ARHGEF28: variants seen among roughly 807,000 people sequenced by gnomAD.
ARHGEF28 encodes the protein Rho guanine nucleotide exchange factor 28.
ARHGEF28 carries 152 observed loss-of-function variants against 206.6 expected under a neutral mutation model. The ratio of observed to expected loss-of-function variants is 0.74; its 90% CI spans 0.64 to 0.84. The LOEUF is 0.84. Ranked by LOEUF, ARHGEF28 falls within the 40% of genes least tolerant of loss-of-function variation. The pLI is 0.00. For missense variants in ARHGEF28, 2,028 were observed against 2,073.2 expected (o/e 0.98, Z 0.42); for synonymous variants, 763 against 776.4 (o/e 0.98, Z 0.29).
At chr5:73,878,853 T>C (rs1046914063) in intron 22 of ARHGEF28, among the ~76,000 whole-genome samples, 1 of 151,834 alleles carries the variant, frequency 6.6e-6, no homozygotes, top group Non-Finnish European at 1.5e-5. Flanking sequence ...TGGCTGCCCT[T>C]AACATTTTTT....
chr5:73,647,487 C>T (rs1408568530), intron 1 of ARHGEF28, among the ~76,000 whole-genome samples: 2 of 152,200 alleles, frequency 1.3e-5, no homozygotes, highest in Non-Finnish European at 2.9e-5. Flanking sequence ...TTTAGCTTAG[C>T]GCTGTCCAAT....
chr5:73,758,413 C>T (rs188796974), intron 4 of ARHGEF28, among the ~76,000 whole-genome samples: 1 of 152,298 alleles, frequency 6.6e-6, no homozygotes, highest in Non-Finnish European at 1.5e-5. Context: ...CAAAAACGAA[C>T]TTGGACTCTT....
Position 73,880,672 on chromosome 5 carries a change from C to T in ARHGEF28, c.2815-1800C>T, listed in dbSNP as rs139201232. Among the ~76,000 whole-genome samples, 255 of 152,296 alleles carry T rather than the reference C, an allele frequency of 1.7e-3. 1 individual carries two copies. Among genetic ancestry groups the T allele is most frequent in the African/African-American group, 5.8e-3 (240 of 41,576 alleles). On this transcript the variant is annotated intron_variant, in intron 22 of 35. Coordinates refer to ENST00000513042, the MANE Select transcript of ARHGEF28 (RefSeq NM_001177693.2). The stretch of plus-strand genomic sequence containing the variant: ...TTTTTGCTGGGCATGGTGGCTCACG[C>T]CTGTAAGCCCAGCACTTTGGGAGGC...
intron 2 of ARHGEF28, among the ~76,000 whole-genome samples, chr5:73,703,676 A>G: frequency 8.6e-6 from 1 of 115,788 alleles, no homozygotes; most frequent in African/African-American, 3.6e-5. Context: ...TGTGTGTGTT[A>G]TGAGTTTTGT....
At chr5:73,812,989 G>T (rs1167503631) in intron 9 of ARHGEF28, among the ~76,000 whole-genome samples, 2 of 152,170 alleles carry the variant, frequency 1.3e-5, no homozygotes, top group African/African-American at 4.8e-5. Flanking sequence ...AGCTGCCCAA[G>T]CTGCCAATGG....
chr5:73,816,073 A>G (rs887997195), intron 9 of ARHGEF28, among the ~76,000 whole-genome samples: 3 of 152,078 alleles, frequency 2.0e-5, no homozygotes, highest in Non-Finnish European at 2.9e-5. Context: ...CCCTCATTTG[A>G]CAGATGAGGG....
chr5:73,750,520 C>T (rs998047027), intron 3 of ARHGEF28, among the ~76,000 whole-genome samples: 30 of 152,052 alleles, frequency 2.0e-4, no homozygotes, highest in African/African-American at 6.3e-4. Flanking sequence ...CCAGAACTTT[C>T]TCTCCCCATC....
At chr5:73,655,744 C>T in intron 1 of ARHGEF28, among the ~76,000 whole-genome samples, 1 of 152,188 alleles carries the variant, frequency 6.6e-6, no homozygotes, top group East Asian at 1.9e-4. Flanking sequence ...TTGGGCCGCC[C>T]AGTTCTTAGT....
Position 73,911,482 on chromosome 5 carries a change from C to T in ARHGEF28, c.4855C>T (p.Pro1619Ser), listed in dbSNP as rs774030916. Residue 1619 changes from proline (P) to serine (S), a missense_variant, in exon 35 of 36, where the codon CCT becomes TCT. By Grantham distance (74) the Pro-to-Ser change is moderately conservative. Coordinates refer to ENST00000513042, the MANE Select transcript of ARHGEF28 (RefSeq NM_001177693.2). ...QVDLKVDPSQ[P>S]SNVSHKLWTA... ...AGACCTCAAGGTGGACCCTTCTCAG[C>T]CTTCGAATGTCAGTCACAAACTGTG... The T allele has an allele frequency of 5.0e-6, 8 of 1,613,798 alleles. No individual in the cohort carries two copies. Among genetic ancestry groups the T allele is most frequent in the African/African-American group, 1.3e-5 (1 of 74,920 alleles).
At chr5:73,939,488 C>T (rs1416007023) in intron 35 of ARHGEF28, among the ~76,000 whole-genome samples, 1 of 152,182 alleles carries the variant, frequency 6.6e-6, no homozygotes, top group Non-Finnish European at 1.5e-5. Context: ...TGCCTCCCTA[C>T]CTCTCTTCCT....
rs566236320 is a variant in ARHGEF28 at position 73,904,127 on chromosome 5, A to G, written c.4075-95A>G. The G allele has an allele frequency of 1.9e-5, 23 of 1,229,516 alleles. No individual in the cohort carries two copies. In the East Asian group the frequency reaches 5.1e-4, roughly 27 times the overall value. 76.2% of individuals were successfully genotyped at this position (1,229,516 alleles called of 1,614,324 possible). Reference sequence around the variant, plus strand: ...AGGTAATCAAGTTTAGAGATAGCAAAGTGATTTACCCAAGGTCATACATTT... The same window carrying G: ...AGGTAATCAAGTTTAGAGATAGCAAGGTGATTTACCCAAGGTCATACATTT... On this transcript the variant is annotated intron_variant, in intron 31 of 35. Coordinates refer to ENST00000513042, the MANE Select transcript of ARHGEF28 (RefSeq NM_001177693.2).
intron 10 of ARHGEF28, among the ~76,000 whole-genome samples, chr5:73,837,314 T>A (rs894958702): frequency 1.3e-5 from 2 of 152,210 alleles, no homozygotes; most frequent in Non-Finnish European, 2.9e-5. Context: ...ATCTTTCATA[T>A]GAATTCTTCT....
intron 2 of ARHGEF28, among the ~76,000 whole-genome samples, chr5:73,722,805 T>C (rs750326878): frequency 3.3e-5 from 5 of 152,242 alleles, no homozygotes; most frequent in Admixed American, 6.5e-5. Flanking sequence ...TCTATCCATA[T>C]ATATTAACAA....
rs553470807 is a variant in ARHGEF28 at position 73,853,334 on chromosome 5, A to G, written c.1790+642A>G. 4.6e-5 allele frequency among the ~76,000 whole-genome samples: 7 copies of G among 152,362 alleles called. No individual in the cohort carries two copies. In the South Asian group the frequency reaches 1.4e-3, roughly 32 times the overall value. ...ATGAGTCACACTGTGAAATAGCCCCAGGGTTGTATGCAAAACAAGTGCCAG... is the reference window on the plus strand; with the variant it reads ...ATGAGTCACACTGTGAAATAGCCCCGGGGTTGTATGCAAAACAAGTGCCAG... On this transcript the variant is annotated intron_variant, in intron 14 of 35. Transcript: ENST00000513042.
chr5:73,900,146 C>A (rs1050980542), intron 30 of ARHGEF28: 1 of 152,128 alleles, frequency 6.6e-6, no homozygotes, highest in African/African-American at 2.4e-5. Flanking sequence ...ACAAAAACTT[C>A]TTTGTATTAG....
At chr5:73,918,247 A>G (rs980810445) in intron 35 of ARHGEF28, among the ~76,000 whole-genome samples, 9 of 152,334 alleles carry the variant, frequency 5.9e-5, no homozygotes, top group Admixed American at 5.2e-4. Flanking sequence ...TGTTACAACT[A>G]GTCAACTCTG....
At chr5:73,699,054 AC>A (rs1748409920) in intron 2 of ARHGEF28, among the ~76,000 whole-genome samples, 2 of 152,046 alleles carry the variant, frequency 1.3e-5, no homozygotes, top group Admixed American at 6.5e-5. Context: ...AATTTTGCGA[AC>A]CCTTTTCTTT....
intron 1 of ARHGEF28, among the ~76,000 whole-genome samples, chr5:73,675,751 A>G (rs1241793281): frequency 4.6e-5 from 7 of 151,390 alleles, no homozygotes; most frequent in African/African-American, 7.3e-5. Context: ...AAAAAAAAAA[A>G]AAAGAAAATA....
In ARHGEF28 at chr5:73,894,352, C is replaced by A. The variant is rs779926764; in HGVS notation, c.3659-41C>A. 2 of 1,526,818 alleles carry A rather than the reference C, an allele frequency of 1.3e-6. 1 individual carries two copies. Among genetic ancestry groups the A allele is most frequent in the South Asian group, 2.4e-5 (2 of 82,928 alleles). The allele number at this position is 1,526,818 out of a possible 1,614,324, so 94.6% of individuals were successfully genotyped here. A position where few individuals can be genotyped will look rare whatever the true frequency, so the allele number is the denominator to read the frequency against. On this transcript the variant is annotated intron_variant, in intron 28 of 35. Coordinates refer to ENST00000513042, the MANE Select transcript of ARHGEF28 (RefSeq NM_001177693.2). ...GGACTTTCACATTAGTGGTTGTATT[C>A]ATGTTAGTGATAATCTTCTATGGTA...
Sources: allele counts gnomAD v4.1 joint callset (sites outside exome capture counted in the v4.1 genomes callset), GRCh38; gene constraint gnomAD v4.1.1; transcripts MANE v1.5; gene names NCBI Gene and HGNC (gene_info 2026-07-23, HGNC 2026-07-21).